POLE: variants seen among roughly 807,000 people sequenced by gnomAD.
The protein encoded by POLE is DNA polymerase epsilon, catalytic subunit, also known as DNA polymerase epsilon catalytic subunit A.
POLE carries 188 observed loss-of-function variants against 279.2 expected under a neutral mutation model. The observed-to-expected ratio is 0.67, with a 90% CI of 0.60 to 0.76. POLE has a LOEUF of 0.76. Among genes scored for constraint, POLE ranks in the 30% least tolerant of loss-of-function variants. The pLI, the probability that POLE is intolerant of heterozygous loss-of-function variation, is 0.00. For missense variants in POLE, 2,703 were observed against 3,016.7 expected (o/e 0.90, Z 2.44); for synonymous variants, 1,214 against 1,172.5 (o/e 1.04, Z -0.72).
At position 132,636,011 on chromosome 12, in the gene POLE, C is replaced by T. The variant is rs781734042; in HGVS notation, c.5692G>A (p.Glu1898Lys). The T allele has an allele frequency of 6.2e-7, 1 of 1,613,610 alleles. No homozygotes were observed. The highest frequency in any genetic ancestry group is 1.1e-5 in the South Asian group (1 of 90,998). ...EYITSSIHSK[E>K]TFHSLTISFS... is the part of the protein sequence containing the mutation. Reference sequence around the variant, plus strand: ...GAAATTGTCAGAGAATGGAAGGTCTCCTTTGAATGGATGCTGCAGAGGAAG... The same window carrying T: ...GAAATTGTCAGAGAATGGAAGGTCTTCTTTGAATGGATGCTGCAGAGGAAG... The change falls in exon 42 of 49, where the codon GAG (glutamate) becomes AAG (lysine). Residue 1898 changes from glutamate (E) to lysine (K), a missense_variant. By Grantham distance (56) the Glu-to-Lys change is moderately conservative (BLOSUM62 1). Coordinates refer to ENST00000320574, the MANE Select transcript of POLE (RefSeq NM_006231.4).
At chr12:132,679,711 GGGTAAACACTCAAA>G (rs2136028068) in intron 5 of POLE, 60 bp from the exon 6 acceptor site, 2 of 1,552,340 alleles carry the variant, frequency 1.3e-6, no homozygotes, top group African/African-American at 1.4e-5. Flanking sequence ...ATGGGTGAGA[GGGTAAACACTCAAA>G]GGTAAACACA....
Position 132,661,014 on chromosome 12 carries a change from A to G in POLE, c.3015T>C (p.Ser1005=), listed in dbSNP as rs376781169. The change falls in exon 25 of 49, where the codon TCT becomes TCC. Residue 1005 remains serine, a synonymous_variant. Coordinates refer to ENST00000320574, the MANE Select transcript of POLE (RefSeq NM_006231.4). This position sits in a 1 kb window ranked among gnomAD's most constrained non-coding sequence, Gnocchi z 4.1. ...KGSTLEEVYG[S]VAKVADYWLD... ...GCCAGTAGTCAGCCACCTTGGCTACAGAGCCATACACCTCTTCCAGCGTGC... is the reference window on the plus strand; with the variant it reads ...GCCAGTAGTCAGCCACCTTGGCTACGGAGCCATACACCTCTTCCAGCGTGC... 3.7e-6 allele frequency: 6 copies of G among 1,613,830 alleles called. No homozygotes were observed. The highest frequency in any genetic ancestry group is 1.7e-6 in the Non-Finnish European group (2 of 1,179,950).
In POLE at chr12:132,667,580, G is replaced by A. The variant is rs2135970277; in HGVS notation, c.2242C>T (p.Gln748Ter). Residue 748 changes from glutamine to a stop codon, truncating the protein, a stop_gained, in exon 20 of 49, where the codon CAG becomes TAG. Coordinates refer to ENST00000320574, the MANE Select transcript of POLE (RefSeq NM_006231.4). LOFTEE classifies it high-confidence loss of function. ...KVEERLTTICQRENSFYVDTV... is the reference protein window; with the variant it reads ...KVEERLTTIC Reference sequence around the variant, plus strand: ...TCCACGTAGAAGGAGTTTTCCCGCTGGCAGATGGTGGTGAGACGCTCTTCC... The same window carrying A: ...TCCACGTAGAAGGAGTTTTCCCGCTAGCAGATGGTGGTGAGACGCTCTTCC... 6.2e-7 allele frequency: 1 copy of A among 1,614,008 alleles called. No individual in the cohort carries two copies. Among genetic ancestry groups the A allele is most frequent in the Non-Finnish European group, 8.5e-7 (1 of 1,179,980 alleles).
chr12:132,647,154 T>C (rs957844241), intron 32 of POLE, among the ~76,000 whole-genome samples: 1 of 152,096 alleles, frequency 6.6e-6, no homozygotes, highest in African/African-American at 2.4e-5. Context: ...AACGTGTGTG[T>C]GTTGGGCGGG....
intron 44 of POLE, 62 bp from the exon 45 acceptor site, chr12:132,632,570 C>G (rs923323415): frequency 5.6e-6 from 9 of 1,607,182 alleles, no homozygotes; most frequent in Middle Eastern, 1.7e-4. Context: ...GGACCTCCCA[C>G]CTGGGGGACT....
At chr12:132,665,749 T>G (rs1328695897) in intron 20 of POLE, among the ~76,000 whole-genome samples, 2 of 152,134 alleles carry the variant, frequency 1.3e-5, no homozygotes. Flanking sequence ...CGGGGGTGCC[T>G]GGTAAAATCA....
At chr12:132,666,642 G>A (rs1285905227) in intron 20 of POLE, among the ~76,000 whole-genome samples, 1 of 152,202 alleles carries the variant, frequency 6.6e-6, no homozygotes, top group East Asian at 1.9e-4. Context: ...ATACTGCACG[G>A]TTCACTTACA....
chr12:132,628,760 T>C (rs753277657), intron 45 of POLE, among the ~76,000 whole-genome samples: 3 of 152,268 alleles, frequency 2.0e-5, no homozygotes, highest in Non-Finnish European at 4.4e-5. Flanking sequence ...TTGCAGCAAC[T>C]TGGTCACATC....
At chr12:132,626,027 C>T (rs2041830973) in intron 46 of POLE, 90 bp downstream of exon 46, 1 of 1,333,078 alleles carries the variant, frequency 7.5e-7, no homozygotes, top group Non-Finnish European at 1.0e-6. Context: ...GTGTGACCCA[C>T]AGAGCTGGAG....
Position 132,668,615 on chromosome 12 carries a change from C to T in POLE, c.2026+20G>A, listed in dbSNP as rs1297002834. ...CCACCCGTTTCCCACCGAGTGCCCA[C>T]CCAGGCGGCCGACACTCACTGAACT... On this transcript the variant is annotated intron_variant, in intron 18 of 48. Transcript: ENST00000320574. This position sits in a 1 kb window ranked among gnomAD's most constrained non-coding sequence, Gnocchi z 4.0. The T allele has an allele frequency of 6.2e-7, 1 of 1,603,598 alleles. No individual in the cohort carries two copies. Among genetic ancestry groups the T allele is most frequent in the South Asian group, 1.1e-5 (1 of 90,740 alleles).
In POLE at chr12:132,659,354, T is replaced by A. The variant is rs2138675439; in HGVS notation, c.3216A>T (p.Ala1072=). ...EFLGDQMVKD[A]GLSCRYIISR... ...AGATGATGTAGCGGCAACTCAGCCC[T>A]GCATCCTTGACCATCTGGTCTCCCA... Residue 1072 remains alanine, a synonymous_variant, in exon 26 of 49, where the codon GCA becomes GCT. Coordinates refer to ENST00000320574, the MANE Select transcript of POLE (RefSeq NM_006231.4). 1 of 1,614,166 alleles carries A rather than the reference T, an allele frequency of 6.2e-7. No individual in the cohort carries two copies. Among genetic ancestry groups the A allele is most frequent in the South Asian group, 1.1e-5 (1 of 91,090 alleles).
chr12:132,633,165 T>C (rs866327329), intron 43 of POLE: 2,873 of 149,132 alleles, frequency 0.019, 70 homozygotes, highest in African/African-American at 0.044. Context: ...ACTTACCCTT[T>C]TTTTTTTTTT....
chr12:132,641,986 G>T, intron 38 of POLE, 135 bp from the exon 39 acceptor site: 1 of 964,336 alleles, frequency 1.0e-6, no homozygotes, highest in Non-Finnish European at 1.6e-6. Flanking sequence ...CACCTGCCAG[G>T]CTATTCAGAT....
At position 132,667,618 on chromosome 12, in the gene POLE, T is replaced by A. The variant is rs748425772; in HGVS notation, c.2204A>T (p.His735Leu). The A allele has an allele frequency of 3.1e-6, 5 of 1,614,204 alleles. No homozygotes were observed. The South Asian group carries it at 5.5e-5, about 18-fold the overall frequency. Residue 735 changes from histidine to leucine, a missense_variant, in exon 20 of 49, where the codon CAC becomes CTC. Physicochemically the swap from His to Leu is moderately conservative, Grantham distance 99 (BLOSUM62 -3). Around this residue, in one of 5 missense-constraint regions of POLE, gnomAD observed 1,011 missense variants for 1,111.7 expected, o/e 0.91. Coordinates refer to ENST00000320574, the MANE Select transcript of POLE (RefSeq NM_006231.4). ...DYCRKAYKKI[H>L]ITKVEERLTT... ...GAGACGCTCTTCCACCTTGGTGATG[T>A]GGATCTTCTTGTAGGCTTTCCGGCA...
chr12:132,625,530 C>T, intron 47 of POLE, 115 bp downstream of exon 47: 1 of 1,354,506 alleles, frequency 7.4e-7, no homozygotes, highest in Admixed American at 1.7e-5. Context: ...AGGGCAGGCC[C>T]CTTGGAAGAC....
At chr12:132,646,459 G>A (rs1488373390) in intron 32 of POLE, among the ~76,000 whole-genome samples, 1 of 151,638 alleles carries the variant, frequency 6.6e-6, no homozygotes, top group South Asian at 2.1e-4. Context: ...AACTGTGATG[G>A]TTAAGTGAAG....
intron 25 of POLE, 99 bp downstream of exon 25, chr12:132,660,870 C>T (rs2042662287): frequency 4.3e-6 from 4 of 936,246 alleles, no homozygotes; most frequent in Non-Finnish European, 6.4e-6. Context: ...CTGTGTTCTT[C>T]GGTCACCTTG....
At chr12:132,632,116 C>T (rs1433680439) in intron 45 of POLE, among the ~76,000 whole-genome samples, 199 bp downstream of exon 45, 1 of 151,878 alleles carries the variant, frequency 6.6e-6, no homozygotes, top group Non-Finnish European at 1.5e-5. Flanking sequence ...TAGGTACCTC[C>T]CCCTTGCACA....
intron 41 of POLE, 97 bp downstream of exon 41, chr12:132,637,917 C>G: frequency 7.0e-7 from 1 of 1,424,638 alleles, no homozygotes; most frequent in Non-Finnish European, 9.7e-7. Context: ...CTAACGACCT[C>G]CCAGCCCACC....
Sources: allele counts gnomAD v4.1 joint callset (sites outside exome capture counted in the v4.1 genomes callset), GRCh38; gene constraint gnomAD v4.1.1; regional missense constraint gnomAD v4.1.1; non-coding constraint Gnocchi (gnomAD v3.1); transcripts MANE v1.5; gene names NCBI Gene and HGNC (gene_info 2026-07-23, HGNC 2026-07-21).